The following RAB3B variants were observed in gnomAD, a reference collection of about 807,000 sequenced individuals.
RAB3B encodes the protein RAB3B, member RAS oncogene family, also known as ras-related protein Rab-3B.
Under a neutral mutation model 20.5 loss-of-function variants are expected in RAB3B, and 11 were observed. That is an observed-to-expected ratio of 0.54 (90% CI 0.34 to 0.89). The LOEUF (loss-of-function observed/expected upper bound fraction) is 0.89, where lower values mean the gene tolerates loss of function less well. Ranked by LOEUF, RAB3B falls within the 40% of genes least tolerant of loss-of-function variation. The probability of loss-of-function intolerance (pLI) is 0.02; values close to 1 mark genes in which losing one functional copy is unlikely to be tolerated. For missense variants in RAB3B, 225 were observed against 280.9 expected (o/e 0.80, Z 1.42); for synonymous variants, 99 against 106.3 (o/e 0.93, Z 0.42).
intron 1 of RAB3B, among the ~76,000 whole-genome samples, chr1:51,982,753 AAATAATAAT>A (rs540518500): frequency 6.6e-6 from 1 of 151,502 alleles, no homozygotes; most frequent in South Asian, 2.1e-4. Context: ...AATCTCAAAA[AAATAATAAT>A]AATAATAATA....
At chr1:51,958,599 T>A (rs1340473177) in intron 2 of RAB3B, among the ~76,000 whole-genome samples, 2 of 152,196 alleles carry the variant, frequency 1.3e-5, no homozygotes, top group East Asian at 3.9e-4. Context: ...GGCGCATGCC[T>A]GTAATCCCAG....
chr1:51,938,977 A>T (rs1276355461), intron 2 of RAB3B, among the ~76,000 whole-genome samples: 1 of 152,162 alleles, frequency 6.6e-6, no homozygotes, highest in East Asian at 1.9e-4. Flanking sequence ...ATGTATTTTT[A>T]TTATCTCTAC....
chr1:51,941,354 A>C (rs1684491214), intron 2 of RAB3B, among the ~76,000 whole-genome samples: 1 of 152,136 alleles, frequency 6.6e-6, no homozygotes, highest in South Asian at 2.1e-4. Context: ...ACGTAATTAG[A>C]TCTGAGATTT....
rs1684558884 is a variant in RAB3B, at chr1:51,945,921, G to C, written c.229-8509C>G. ...GACTAGTTGGTTATTTTATCTCTCTGAGGTTCAGTTTCCTCACATCTGGAA... is the reference window on the plus strand; with the variant it reads ...GACTAGTTGGTTATTTTATCTCTCTCAGGTTCAGTTTCCTCACATCTGGAA... On this transcript the variant is annotated intron_variant, in intron 2 of 4. Transcript: ENST00000371655. Among the ~76,000 whole-genome samples, 3 of 152,194 alleles carry C rather than the reference G, an allele frequency of 2.0e-5. No individual in the cohort carries two copies. In the South Asian group the frequency reaches 6.2e-4, roughly 32 times the overall value.
intron 4 of RAB3B, among the ~76,000 whole-genome samples, chr1:51,931,394 T>C (rs1684321807): frequency 6.6e-6 from 1 of 152,190 alleles, no homozygotes; most frequent in Non-Finnish European, 1.5e-5. Flanking sequence ...AATTGGACTA[T>C]GACTGTTACT....
At chr1:51,969,617 GC>G (rs200839998) in intron 2 of RAB3B, among the ~76,000 whole-genome samples, 1 of 59,168 alleles carries the variant, frequency 1.7e-5, no homozygotes, top group East Asian at 7.4e-4. Flanking sequence ...GAGTAATAAG[GC>G]TTTTTTTTTT....
chr1:51,920,753 C>T (rs1325733196), intron 4 of RAB3B, among the ~76,000 whole-genome samples: 1 of 152,164 alleles, frequency 6.6e-6, no homozygotes. Context: ...CCTCTTTCCC[C>T]TGCCTCTCAT....
chr1:51,960,390 A>G (rs377499972), intron 2 of RAB3B, among the ~76,000 whole-genome samples: 2 of 152,212 alleles, frequency 1.3e-5, no homozygotes, highest in African/African-American at 2.4e-5. Context: ...CCTCCCAGCC[A>G]TCTGGGCCTC....
chr1:51,981,678 ACAAC>A (rs1685090079), intron 1 of RAB3B, among the ~76,000 whole-genome samples: 2 of 151,910 alleles, frequency 1.3e-5, no homozygotes, highest in Non-Finnish European at 2.9e-5. Context: ...GAACTGCATA[ACAAC>A]ATTTCAGTCA....
chr1:51,982,128 C>T (rs983024074), intron 1 of RAB3B, among the ~76,000 whole-genome samples: 4 of 152,150 alleles, frequency 2.6e-5, no homozygotes, highest in African/African-American at 9.7e-5. Flanking sequence ...TGGGACAAGA[C>T]ATGGAAATGG....
rs1685019031 is a variant in RAB3B at position 51,976,989 on chromosome 1, AG to A, written c.128del (p.Ala43ValfsTer19). ...VGKTSFLFRY[A>X]DDTFTPAFVS... ...CGAAGGCTGGGGTGAACGTGTCATC[AG>A]CATAGCGGAAGAGGAAGGAGGTCTT... On this transcript the variant is annotated frameshift_variant, in exon 2 of 5. Coordinates refer to ENST00000371655, the MANE Select transcript of RAB3B (RefSeq NM_002867.4). LOFTEE classifies it high-confidence loss of function. The A allele has an allele frequency of 5.0e-6, 8 of 1,614,112 alleles. No individual in the cohort carries two copies. Among genetic ancestry groups the A allele is most frequent in the Non-Finnish European group, 6.8e-6 (8 of 1,180,048 alleles).
chr1:51,985,930 T>C (rs1169247195), intron 1 of RAB3B, among the ~76,000 whole-genome samples: 1 of 151,652 alleles, frequency 6.6e-6, no homozygotes, highest in Non-Finnish European at 1.5e-5. Context: ...TGGAGGGTCA[T>C]GAATGGAACT....
intron 2 of RAB3B, among the ~76,000 whole-genome samples, chr1:51,965,708 T>C (rs1376763784): frequency 6.6e-6 from 1 of 152,060 alleles, no homozygotes; most frequent in Admixed American, 6.6e-5. Flanking sequence ...AAAAATATTA[T>C]TAAATGCAAT....
At position 51,917,191 on chromosome 1, in the gene RAB3B, A is replaced by G. The variant is rs1684098232; in HGVS notation, c.*2736T>C. The G allele has an allele frequency of 6.6e-6, 1 of 152,214 alleles. No individual in the cohort carries two copies. The highest frequency in any genetic ancestry group is 1.5e-5 in the Non-Finnish European group (1 of 68,036). The allele number at this position is 152,214 out of a possible 1,614,324, so 9.4% of individuals were successfully genotyped here. A position where few individuals can be genotyped will look rare whatever the true frequency, so the allele number is the denominator to read the frequency against. ...GGAAGATAAATGAGTTAATGCACGT[A>G]AAATGCTTGGAACAATGTCTAGTAC... On this transcript the variant is annotated 3_prime_UTR_variant, in exon 5 of 5. Transcript: ENST00000371655.
chr1:51,956,646 T>A (rs1326578908), intron 2 of RAB3B, among the ~76,000 whole-genome samples: 1 of 152,230 alleles, frequency 6.6e-6, no homozygotes, highest in Non-Finnish European at 1.5e-5. Context: ...ACCCTCTGCC[T>A]GGATCAGCCT....
At chr1:51,964,282 C>T (rs1323891244) in intron 2 of RAB3B, among the ~76,000 whole-genome samples, 3 of 152,182 alleles carry the variant, frequency 2.0e-5, no homozygotes, top group African/African-American at 7.2e-5. Context: ...TCTCTCCTTC[C>T]TCTGAAAAAC....
chr1:51,960,357 G>T (rs540013832), intron 2 of RAB3B, among the ~76,000 whole-genome samples: 1 of 152,262 alleles, frequency 6.6e-6, no homozygotes, highest in South Asian at 2.1e-4. Flanking sequence ...AAGAGAGGGG[G>T]CACTGTATCC....
chr1:51,956,286 C>T (rs1321437042), intron 2 of RAB3B, among the ~76,000 whole-genome samples: 1 of 152,102 alleles, frequency 6.6e-6, no homozygotes, highest in East Asian at 1.9e-4. Flanking sequence ...TAATTGTTAA[C>T]ACGAATTGAG....
rs993294554 is a variant in RAB3B, at chr1:51,915,569, G to A, written c.*4358C>T. On this transcript the variant is annotated 3_prime_UTR_variant, in exon 5 of 5. Coordinates refer to ENST00000371655, the MANE Select transcript of RAB3B (RefSeq NM_002867.4). ...ATAGACTGAGGAGACAATGAGTCAC[G>A]AATCACTTTGTATTTACAGATACAC... 10 of 152,286 alleles carry A rather than the reference G, an allele frequency of 6.6e-5. No homozygotes were observed. Among genetic ancestry groups the A allele is most frequent in the African/African-American group, 1.9e-4 (8 of 41,554 alleles). 9.4% of individuals were successfully genotyped at this position (152,286 alleles called of 1,614,324 possible).
Sources: allele counts gnomAD v4.1 joint callset (sites outside exome capture counted in the v4.1 genomes callset), GRCh38; gene constraint gnomAD v4.1.1; transcripts MANE v1.5; gene names NCBI Gene and HGNC (gene_info 2026-07-23, HGNC 2026-07-21).